Variants in PRUNE2 observed in about 807,000 individuals in gnomAD.
The protein encoded by PRUNE2 is protein prune homolog 2.
In PRUNE2, 164 loss-of-function variants were observed where a neutral mutation model predicts 252.0. The observed-to-expected ratio is 0.65, with a 90% CI of 0.57 to 0.74. The LOEUF (loss-of-function observed/expected upper bound fraction) is 0.74, where lower values mean the gene tolerates loss of function less well. PRUNE2 is among the 30% of genes least tolerant of loss of function. The pLI is 0.00. For missense variants in PRUNE2, 3,495 were observed against 3,711.0 expected, an observed-to-expected ratio of 0.94 and a Z score of 1.51; for synonymous variants, 1,292 against 1,350.2, an observed-to-expected ratio of 0.96 and a Z score of 0.94.
intron 6 of PRUNE2, among the ~76,000 whole-genome samples, chr9:76,762,575 C>A (rs191331016): frequency 1.3e-5 from 2 of 152,284 alleles, no homozygotes; most frequent in East Asian, 3.9e-4. Flanking sequence ...ATTTTACCCC[C>A]AGCCCCCTGG....
intron 3 of PRUNE2, 95 bp from the exon 4 acceptor site, chr9:76,846,773 C>T (rs1282161185): frequency 3.4e-5 from 37 of 1,094,558 alleles, no homozygotes; most frequent in Non-Finnish European, 4.3e-5. Flanking sequence ...CAAATGGCTT[C>T]CTCTCAATGA....
At position 76,719,813 on chromosome 9, in the gene PRUNE2, A is replaced by AT. The variant is rs1467993391; in HGVS notation, c.757-6093dup. 9.2e-5 allele frequency among the ~76,000 whole-genome samples: 14 copies of AT among 151,358 alleles called. No homozygotes were observed. In the East Asian group the frequency reaches 2.8e-3, roughly 30 times the overall value. Reference sequence around the variant, plus strand: ...AGGCGTGCACCACCATGCCCAGCTAATTTTTTTATTTTTTGTAGAGACAGG... The same window carrying AT: ...AGGCGTGCACCACCATGCCCAGCTAATTTTTTTTATTTTTTGTAGAGACAGG... On this transcript the variant is annotated intron_variant, in intron 6 of 18. Coordinates refer to ENST00000376718, the MANE Select transcript of PRUNE2 (RefSeq NM_015225.3).
chr9:76,706,513 T>C lies in PRUNE2; in HGVS notation c.5761A>G (p.Lys1921Glu), dbSNP rs773527471. 1.2e-6 allele frequency: 2 copies of C among 1,614,034 alleles called. No individual in the cohort carries two copies. The highest frequency in any genetic ancestry group is 1.7e-6 in the Non-Finnish European group (2 of 1,179,900). The change falls in exon 8 of 19, where the codon AAG becomes GAG. Residue 1921 changes from lysine (K) to glutamate (E), a missense_variant. Transcript: ENST00000376718. The part of the protein sequence containing the change: ...QPRQPDPDAD[K>E]FSQLVKLDQI... ...TCTAATTTTACAAGCTGGCTGAACT[T>C]GTCAGCATCTGGGTCTGGCTGCCTT...
chr9:76,814,253 A>G (rs1001619330), intron 6 of PRUNE2, among the ~76,000 whole-genome samples: 54 of 152,182 alleles, frequency 3.5e-4, no homozygotes, highest in African/African-American at 1.2e-3. Context: ...CACATGAATA[A>G]CAGAATATGC....
At chr9:76,792,479 CGAGAGGAAT>C (rs1564315555) in intron 6 of PRUNE2, among the ~76,000 whole-genome samples, 2 of 152,096 alleles carry the variant, frequency 1.3e-5, no homozygotes, top group African/African-American at 4.8e-5. Context: ...GAGGACAGAA[CGAGAGGAAT>C]GAGAGGGCTG....
rs117788524 is a variant in PRUNE2 at position 76,781,943 on chromosome 9, G to A, written c.756+41689C>T. Among the ~76,000 whole-genome samples the A allele has an allele frequency of 9.3e-4, 141 of 152,140 alleles. No homozygotes were observed. In the East Asian group the frequency reaches 0.021, roughly 22 times the overall value. ...GCATTGGGAAAGCCTGGCCGGGCGCGGTGGCTCACGCCTGTAATCCCAGCA... is the reference window on the plus strand; with the variant it reads ...GCATTGGGAAAGCCTGGCCGGGCGCAGTGGCTCACGCCTGTAATCCCAGCA... On this transcript the variant is annotated intron_variant, in intron 6 of 18. Transcript: ENST00000376718.
intron 4 of PRUNE2, 90 bp from the exon 5 acceptor site, chr9:76,826,822 T>C: frequency 1.9e-6 from 2 of 1,077,250 alleles, no homozygotes; most frequent in South Asian, 1.7e-5. Flanking sequence ...CCTCTCAATC[T>C]AAGCTTTCCA....
chr9:76,652,319 T>C (rs1192179367), intron 11 of PRUNE2, 164 bp downstream of exon 11: 2 of 615,114 alleles, frequency 3.3e-6, no homozygotes, highest in Non-Finnish European at 5.8e-6. Flanking sequence ...ATACTTTCTC[T>C]GTCAGGCTCC....
At chr9:76,731,652 A>G (rs988087151) in intron 6 of PRUNE2, among the ~76,000 whole-genome samples, 4 of 152,112 alleles carry the variant, frequency 2.6e-5, no homozygotes, top group African/African-American at 9.7e-5. Context: ...TAAACTTACA[A>G]AACAAAATTG....
At chr9:76,656,693 G>A (rs1849371668) in intron 9 of PRUNE2, among the ~76,000 whole-genome samples, 1 of 152,164 alleles carries the variant, frequency 6.6e-6, no homozygotes, top group Non-Finnish European at 1.5e-5. Flanking sequence ...CATTCTCGTG[G>A]TGGAGTTGGG....
At chr9:76,673,761 A>C (rs2041990853) in intron 9 of PRUNE2, among the ~76,000 whole-genome samples, 1 of 149,914 alleles carries the variant, frequency 6.7e-6, no homozygotes, top group East Asian at 2.0e-4. Flanking sequence ...TACGCAAATC[A>C]ATAAATGTAA....
chr9:76,619,241 TA>T (rs550887876), intron 18 of PRUNE2, 98 bp downstream of exon 18: 8 of 772,844 alleles, frequency 1.0e-5, no homozygotes, highest in African/African-American at 8.7e-5. Context: ...GCTGAACATC[TA>T]AACAGGGTTT....
Position 76,709,662 on chromosome 9 carries a change from T to C in PRUNE2, c.2612A>G (p.Asp871Gly). The change falls in exon 8 of 19, where the codon GAC (aspartate) becomes GGC (glycine). Residue 871 changes from aspartate (D) to glycine (G), a missense_variant. Physicochemically the swap from Asp to Gly is moderately conservative, Grantham distance 94. Coordinates refer to ENST00000376718, the MANE Select transcript of PRUNE2 (RefSeq NM_015225.3). ...APEIWGKKNNDSRDHIFAPGN... is the reference protein window; with the variant it reads ...APEIWGKKNNGSRDHIFAPGN... Reference sequence around the variant, plus strand: ...AGGTGCAAAGATGTGATCCCTGGAGTCATTGTTTTTCTTGCCCCAGATTTC... The same window carrying C: ...AGGTGCAAAGATGTGATCCCTGGAGCCATTGTTTTTCTTGCCCCAGATTTC... 1 of 1,613,824 alleles carries C rather than the reference T, an allele frequency of 6.2e-7. No individual in the cohort carries two copies. The highest frequency in any genetic ancestry group is 8.5e-7 in the Non-Finnish European group (1 of 1,179,868).
At chr9:76,857,165 C>A (rs1489835307) in intron 1 of PRUNE2, 3 of 455,674 alleles carry the variant, frequency 6.6e-6, no homozygotes, top group African/African-American at 4.0e-5. Context: ...CCATATTTGC[C>A]ATCCCCAGCG....
intron 6 of PRUNE2, among the ~76,000 whole-genome samples, chr9:76,755,049 A>G (rs116052893): frequency 0.011 from 1,739 of 151,800 alleles, 35 homozygotes; most frequent in African/African-American, 0.039. Flanking sequence ...GCTCTTTTTA[A>G]TATCATTACT....
intron 6 of PRUNE2, among the ~76,000 whole-genome samples, chr9:76,816,928 C>T (rs1047488360): frequency 6.6e-6 from 1 of 152,176 alleles, no homozygotes; most frequent in African/African-American, 2.4e-5. Context: ...AATCCTTTTT[C>T]CTATTACTTT....
Position 76,638,181 on chromosome 9 carries a change from C to T in PRUNE2, c.8831+5G>A. 2 of 1,595,990 alleles carry T rather than the reference C, an allele frequency of 1.3e-6. No homozygotes were observed. The highest frequency in any genetic ancestry group is 1.7e-6 in the Non-Finnish European group (2 of 1,163,758). Reference sequence around the variant, plus strand: ...TCAAAGCACTTTGTCATAAGTATCACTCACAGGAAAAGATTTTCCATGACA... The same window carrying T: ...TCAAAGCACTTTGTCATAAGTATCATTCACAGGAAAAGATTTTCCATGACA... On this transcript the variant is annotated splice_donor_5th_base_variant and intron_variant, in intron 13 of 18. Transcript: ENST00000376718.
intron 6 of PRUNE2, among the ~76,000 whole-genome samples, chr9:76,812,289 A>G (rs1306392485): frequency 6.6e-6 from 1 of 152,242 alleles, no homozygotes; most frequent in Non-Finnish European, 1.5e-5. Flanking sequence ...CCAAAAAGAA[A>G]AGAATCTAAA....
At chr9:76,662,803 TG>T (rs1360904808) in intron 9 of PRUNE2, among the ~76,000 whole-genome samples, 2 of 152,246 alleles carry the variant, frequency 1.3e-5, no homozygotes, top group Non-Finnish European at 2.9e-5. Context: ...TGATATATTT[TG>T]GGAAAATGAT....
Sources: allele counts gnomAD v4.1 joint callset (sites outside exome capture counted in the v4.1 genomes callset), GRCh38; gene constraint gnomAD v4.1.1; transcripts MANE v1.5; gene names NCBI Gene and HGNC (gene_info 2026-07-23, HGNC 2026-07-21).